Variants in CADPS observed in about 807,000 individuals in gnomAD.
The protein encoded by CADPS is calcium-dependent secretion activator 1.
A neutral mutation model predicts 167.3 loss-of-function variants in CADPS; 57 were observed. That is an observed-to-expected ratio of 0.34 (90% CI 0.28 to 0.42). The LOEUF (loss-of-function observed/expected upper bound fraction) is 0.42, where lower values mean the gene tolerates loss of function less well. Among genes scored for constraint, CADPS ranks in the 20% least tolerant of loss-of-function variants. CADPS has a pLI of 1.00. For synonymous variants in CADPS, 676 were observed against 635.3 expected, an observed-to-expected ratio of 1.06 and a Z score of -0.96; for missense variants, 1,414 against 1,738.1, an observed-to-expected ratio of 0.81 and a Z score of 3.32.
rs535346971 is a variant in CADPS, at chr3:62,723,988, G to T, written c.888+29453C>A. On this transcript the variant is annotated intron_variant, in intron 3 of 29. Transcript: ENST00000383710. ...TCACAGTTCAGGTGGCCTTATGTGG[G>T]CACTTCTGTGTCCAAGGGAGCTGCA... is the stretch of plus-strand genomic sequence containing the variant. 4.6e-5 allele frequency among the ~76,000 whole-genome samples: 7 copies of T among 152,316 alleles called. No homozygotes were observed. In the South Asian group the frequency reaches 6.2e-4, roughly 14 times the overall value.
At chr3:62,634,253 T>C (rs186804733) in intron 6 of CADPS, among the ~76,000 whole-genome samples, 402 of 152,340 alleles carry the variant, frequency 2.6e-3, no homozygotes, top group Non-Finnish European at 4.7e-3. Context: ...TTTGAAGATT[T>C]CTTGGCTCAG....
At chr3:62,402,247 G>T (rs1338077350) in intron 29 of CADPS, among the ~76,000 whole-genome samples, 1 of 136,194 alleles carries the variant, frequency 7.3e-6, no homozygotes, top group East Asian at 2.6e-4. Context: ...GGCGGGGGGG[G>T]GGGGTGCCCA....
At chr3:62,726,905 C>T (rs2076849545) in intron 3 of CADPS, among the ~76,000 whole-genome samples, 1 of 151,722 alleles carries the variant, frequency 6.6e-6, no homozygotes, top group Non-Finnish European at 1.5e-5. Context: ...TGGACTTGTA[C>T]AGGTTTTTGC....
chr3:62,845,886 C>T (rs1044484240), intron 1 of CADPS, among the ~76,000 whole-genome samples: 2 of 152,108 alleles, frequency 1.3e-5, no homozygotes, highest in Admixed American at 1.3e-4. Flanking sequence ...TATGGTTTCA[C>T]TCTGTGTCCC....
chr3:62,405,955 C>T, intron 28 of CADPS, among the ~76,000 whole-genome samples: 1 of 152,184 alleles, frequency 6.6e-6, no homozygotes, highest in East Asian at 1.9e-4. Context: ...TACAGGGGAT[C>T]TTCCACGTTA....
chr3:62,676,633 T>C (rs900249210), intron 3 of CADPS, among the ~76,000 whole-genome samples: 13 of 152,276 alleles, frequency 8.5e-5, no homozygotes, highest in Admixed American at 7.8e-4. Context: ...GTGTTGATGG[T>C]GTTTCACCTC....
intron 17 of CADPS, among the ~76,000 whole-genome samples, chr3:62,501,282 T>A (rs140005498): frequency 2.5e-4 from 38 of 152,350 alleles, no homozygotes; most frequent in African/African-American, 8.2e-4. Context: ...TTTTGGGGCA[T>A]CTGACCTGTT....
intron 3 of CADPS, among the ~76,000 whole-genome samples, chr3:62,716,060 A>T (rs1036566639): frequency 1.8e-5 from 2 of 109,062 alleles, no homozygotes; most frequent in African/African-American, 6.2e-5. Context: ...TCTATTTTTT[A>T]AAAAACACTT....
intron 10 of CADPS, among the ~76,000 whole-genome samples, chr3:62,556,640 T>G (rs2078194659): frequency 6.6e-6 from 1 of 152,010 alleles, no homozygotes; most frequent in African/African-American, 2.4e-5. Context: ...CGCACCCCCC[T>G]CCCATTTTGA....
intron 3 of CADPS, among the ~76,000 whole-genome samples, chr3:62,672,793 T>C (rs1417165613): frequency 6.6e-6 from 1 of 152,156 alleles, no homozygotes; most frequent in Non-Finnish European, 1.5e-5. Flanking sequence ...CTGATTTTTG[T>C]ATTTTTCGTA....
At chr3:62,719,905 C>T (rs1247765550) in intron 3 of CADPS, among the ~76,000 whole-genome samples, 1 of 152,148 alleles carries the variant, frequency 6.6e-6, no homozygotes, top group Non-Finnish European at 1.5e-5. Context: ...CTCTGTGTCC[C>T]TTTTAGGCTG....
rs559807009 is a variant in CADPS, at chr3:62,665,413, TG to T, written c.889-3020del. On this transcript the variant is annotated intron_variant, in intron 3 of 29. Transcript: ENST00000383710. ...TTTGACGGATGTGGAAACTGAGTCT[TG>T]GTAAGGTAGAGGAACATGCCCCAAA... Among the ~76,000 whole-genome samples the T allele has an allele frequency of 8.6e-3, 1,312 of 152,280 alleles. 9 individuals carry two copies. The highest frequency in any genetic ancestry group is 0.014 in the Non-Finnish European group (944 of 68,028).
At chr3:62,402,716 CATTTT>C (rs1211581487) in intron 29 of CADPS, among the ~76,000 whole-genome samples, 1 of 152,146 alleles carries the variant, frequency 6.6e-6, no homozygotes, top group Non-Finnish European at 1.5e-5. Context: ...ATAGCGGCAA[CATTTT>C]ATTTAATTAA....
chr3:62,722,803 G>A (rs2076062101), intron 3 of CADPS, among the ~76,000 whole-genome samples: 1 of 152,170 alleles, frequency 6.6e-6, no homozygotes, highest in Admixed American at 6.5e-5. Context: ...TTGGGTAATT[G>A]TTTTTTGTGG....
At chr3:62,714,981 A>G (rs2084154035) in intron 3 of CADPS, among the ~76,000 whole-genome samples, 1 of 152,238 alleles carries the variant, frequency 6.6e-6, no homozygotes, top group African/African-American at 2.4e-5. Flanking sequence ...CATATTTGAT[A>G]GCAGATGATA....
chr3:62,748,152 G>A (rs565149836), intron 3 of CADPS, among the ~76,000 whole-genome samples: 162 of 106,336 alleles, frequency 1.5e-3, no homozygotes, highest in Middle Eastern at 8.2e-3. Context: ...GTGAAACCCC[G>A]TCTCTACTAA....
chr3:62,800,761 T>A (rs2152803685), intron 1 of CADPS, among the ~76,000 whole-genome samples: 1 of 152,300 alleles, frequency 6.6e-6, no homozygotes, highest in South Asian at 2.1e-4. Flanking sequence ...ATCTATGTCA[T>A]TTTAGTTAAA....
intron 1 of CADPS, among the ~76,000 whole-genome samples, chr3:62,857,388 A>G (rs909772983): frequency 3.9e-5 from 6 of 152,080 alleles, no homozygotes; most frequent in Admixed American, 2.6e-4. Context: ...TCTTAATATT[A>G]AAGACACATA....
In CADPS at chr3:62,678,932, G is replaced by A. The variant is rs755621951; in HGVS notation, c.889-16538C>T. Among the ~76,000 whole-genome samples the A allele has an allele frequency of 5.3e-5, 8 of 151,966 alleles. No individual in the cohort carries two copies. In the East Asian group the frequency reaches 7.7e-4, roughly 15 times the overall value. ...CAGTTGTATATGAGAAGAAAACAGC[G>A]AAAGGAGAGGCGAGGGACTGGTTAG... On this transcript the variant is annotated intron_variant, in intron 3 of 29. Transcript: ENST00000383710.
Sources: allele counts gnomAD v4.1 joint callset (sites outside exome capture counted in the v4.1 genomes callset), GRCh38; gene constraint gnomAD v4.1.1; transcripts MANE v1.5; gene names NCBI Gene and HGNC (gene_info 2026-07-23, HGNC 2026-07-21).